PIP5K1B: variants seen among roughly 807,000 people sequenced by gnomAD.
PIP5K1B encodes the protein phosphatidylinositol-4-phosphate 5-kinase type 1 beta, also known as phosphatidylinositol 4-phosphate 5-kinase type-1 beta.
Under a neutral mutation model 67.0 loss-of-function variants are expected in PIP5K1B, and 42 were observed. That is an observed-to-expected ratio of 0.63 (90% CI 0.49 to 0.81). The LOEUF is 0.81. Among genes scored for constraint, PIP5K1B ranks in the 30% least tolerant of loss-of-function variants. The probability of loss-of-function intolerance (pLI) is 0.00; values close to 1 mark genes in which losing one functional copy is unlikely to be tolerated. For synonymous variants in PIP5K1B, 214 were observed against 231.4 expected (o/e 0.92, Z 0.68); for missense variants, 459 against 646.3 (o/e 0.71, Z 3.14).
rs145191961 is a variant in PIP5K1B at position 68,829,833 on chromosome 9, G to A, written c.69+7150G>A. ...ACTTGAGCAAATACTGGGAAAAGTA[G>A]CATACTAATGAGTGAAGTCACTGTT... On this transcript the variant is annotated intron_variant, in intron 4 of 15. Transcript: ENST00000265382. 3.4e-3 allele frequency among the ~76,000 whole-genome samples: 522 copies of A among 152,330 alleles called. 1 individual carries two copies. Among genetic ancestry groups the A allele is most frequent in the Non-Finnish European group, 4.7e-3 (323 of 68,032 alleles).
At chr9:68,897,696 G>A (rs1259563790) in intron 8 of PIP5K1B, among the ~76,000 whole-genome samples, 1 of 152,160 alleles carries the variant, frequency 6.6e-6, no homozygotes, top group Non-Finnish European at 1.5e-5. Context: ...GGACTTAGCA[G>A]TAGCAAATCC....
At position 68,916,858 on chromosome 9, in the gene PIP5K1B, C is replaced by T. The variant is rs181612765; in HGVS notation, c.772-690C>T. Among the ~76,000 whole-genome samples the T allele has an allele frequency of 5.2e-3, 764 of 147,988 alleles. 4 individuals carry two copies. The highest frequency in any genetic ancestry group is 8.7e-3 in the Non-Finnish European group (588 of 67,370). On this transcript the variant is annotated intron_variant, in intron 8 of 15. Coordinates refer to ENST00000265382, the MANE Select transcript of PIP5K1B (RefSeq NM_003558.4). Reference sequence around the variant, plus strand: ...GTGCACTCCAGCCTGGGCGACAGGGCGAGACTCTGTCTCAAAAATAAAAAA... The same window carrying T: ...GTGCACTCCAGCCTGGGCGACAGGGTGAGACTCTGTCTCAAAAATAAAAAA...
chr9:68,857,937 A>G (rs1402893304), intron 4 of PIP5K1B, among the ~76,000 whole-genome samples: 3 of 138,746 alleles, frequency 2.2e-5, no homozygotes, highest in Non-Finnish European at 3.2e-5. Context: ...ATACACCCAT[A>G]TAAGAATTAC....
intron 2 of PIP5K1B, among the ~76,000 whole-genome samples, chr9:68,808,149 G>A (rs768342274): frequency 1.1e-4 from 17 of 152,190 alleles, no homozygotes; most frequent in East Asian, 1.9e-4. Context: ...AGTGAGCAGC[G>A]ATCATGCCAC....
chr9:68,865,380 T>C (rs17392931), intron 5 of PIP5K1B, among the ~76,000 whole-genome samples: 63,452 of 151,924 alleles, frequency 0.42, 13,601 homozygotes, highest in Middle Eastern at 0.51. Context: ...TCTTTTGGTA[T>C]GATTTTTTTA....
chr9:68,827,856 C>T (rs1228614936), intron 4 of PIP5K1B, among the ~76,000 whole-genome samples: 2 of 152,126 alleles, frequency 1.3e-5, no homozygotes, highest in Non-Finnish European at 2.9e-5. Flanking sequence ...GCGCAGGGCA[C>T]GAGTTTACTT....
At chr9:68,880,405 G>A (rs139331509) in intron 6 of PIP5K1B, among the ~76,000 whole-genome samples, 44 of 152,064 alleles carry the variant, frequency 2.9e-4, no homozygotes, top group African/African-American at 6.0e-4. Flanking sequence ...ATACAAAAAC[G>A]TTAGCTGGGC....
At chr9:68,857,653 G>T (rs566014517) in intron 4 of PIP5K1B, among the ~76,000 whole-genome samples, 7 of 152,188 alleles carry the variant, frequency 4.6e-5, no homozygotes, top group Admixed American at 2.6e-4. Context: ...ATCTCTTGAG[G>T]TCAGGAGTTT....
chr9:68,819,945 T>G lies in PIP5K1B; in HGVS notation c.-1+1400T>G, dbSNP rs146757234. Among the ~76,000 whole-genome samples, 95 of 152,312 alleles carry G rather than the reference T, an allele frequency of 6.2e-4. 1 individual carries two copies. The East Asian group carries it at 7.3e-3, about 12-fold the overall frequency. On this transcript the variant is annotated intron_variant, in intron 3 of 15. Transcript: ENST00000265382. ...TTAAAAAAAAATAGAAGTTTACCTGTTTTTCTCCTCCTCTTCCCTACTGTC... is the reference window on the plus strand; with the variant it reads ...TTAAAAAAAAATAGAAGTTTACCTGGTTTTCTCCTCCTCTTCCCTACTGTC...
chr9:68,894,550 T>TA lies in PIP5K1B; in HGVS notation c.684dup (p.Asp229ArgfsTer13). The TA allele has an allele frequency of 6.2e-7, 1 of 1,614,134 alleles. No homozygotes were observed. The highest frequency in any genetic ancestry group is 8.5e-7 in the Non-Finnish European group (1 of 1,180,002). ...AAATCCAACCCCACATTTAAGGACT[T>TA]AGATTTCCTGCAAGACATGCACGAA... On this transcript the variant is annotated frameshift_variant, in exon 8 of 16. Transcript: ENST00000265382. LOFTEE classifies it high-confidence loss of function.
chr9:68,986,742 T>A (rs1304356545), intron 14 of PIP5K1B, among the ~76,000 whole-genome samples: 1 of 152,202 alleles, frequency 6.6e-6, no homozygotes, highest in Non-Finnish European at 1.5e-5. Flanking sequence ...CAAATAATAT[T>A]CTAATTAATT....
At chr9:68,799,638 G>A (rs1276644095) in intron 2 of PIP5K1B, among the ~76,000 whole-genome samples, 1 of 152,200 alleles carries the variant, frequency 6.6e-6, no homozygotes, top group Non-Finnish European at 1.5e-5. Flanking sequence ...ATACACAATA[G>A]GGAAAGATAG....
chr9:69,007,584 G>T (rs1289020483), intron 15 of PIP5K1B, among the ~76,000 whole-genome samples: 1 of 152,156 alleles, frequency 6.6e-6, no homozygotes, highest in African/African-American at 2.4e-5. Flanking sequence ...CAGGCCGGGT[G>T]AGGTGGCTCA....
At chr9:68,829,917 G>A (rs1040508714) in intron 4 of PIP5K1B, among the ~76,000 whole-genome samples, 7 of 152,110 alleles carry the variant, frequency 4.6e-5, no homozygotes, top group Middle Eastern at 3.2e-3. Flanking sequence ...CTATGGGGAC[G>A]GAGCACTGGA....
chr9:68,980,265 G>A (rs912124828), intron 14 of PIP5K1B, among the ~76,000 whole-genome samples: 1 of 152,232 alleles, frequency 6.6e-6, no homozygotes, highest in Non-Finnish European at 1.5e-5. Flanking sequence ...CACTTCAGAA[G>A]CGCCTGGGTC....
At chr9:68,972,262 G>C (rs1376086449) in intron 14 of PIP5K1B, among the ~76,000 whole-genome samples, 1 of 152,186 alleles carries the variant, frequency 6.6e-6, no homozygotes, top group Non-Finnish European at 1.5e-5. Context: ...TTCATTGCTT[G>C]TTTTTGTCAG....
rs551892078 is a variant in PIP5K1B, at chr9:68,787,397, G to A, written c.-85-31064G>A. Among the ~76,000 whole-genome samples, 3 of 152,280 alleles carry A rather than the reference G, an allele frequency of 2.0e-5. No homozygotes were observed. In the South Asian group the frequency reaches 6.2e-4, roughly 32 times the overall value. ...AATTTAAGAAGTCTCCAGTCCTTTT[G>A]TAGAAGTACAAGTGTTTTTTATATA... On this transcript the variant is annotated intron_variant, in intron 2 of 15. Coordinates refer to ENST00000265382, the MANE Select transcript of PIP5K1B (RefSeq NM_003558.4).
At chr9:68,726,741 TTG>T (rs1368760923) in intron 1 of PIP5K1B, among the ~76,000 whole-genome samples, 2 of 152,222 alleles carry the variant, frequency 1.3e-5, no homozygotes, top group Non-Finnish European at 2.9e-5. Context: ...TCCACAGTGG[TTG>T]TGCCATCTTG....
chr9:68,806,431 A>G (rs189227280), intron 2 of PIP5K1B, among the ~76,000 whole-genome samples: 39 of 152,300 alleles, frequency 2.6e-4, no homozygotes, highest in East Asian at 1.4e-3. Context: ...AGCAGGCTCT[A>G]GAGTCACCCT....
Sources: allele counts gnomAD v4.1 joint callset (sites outside exome capture counted in the v4.1 genomes callset), GRCh38; gene constraint gnomAD v4.1.1; transcripts MANE v1.5; gene names NCBI Gene and HGNC (gene_info 2026-07-23, HGNC 2026-07-21).